Variants in NCAM1 observed in about 807,000 individuals in gnomAD.
The protein encoded by NCAM1 is neural cell adhesion molecule 1, also known as antigen recognized by monoclonal antibody 5.1H11.
In NCAM1, 14 loss-of-function variants were observed where a neutral mutation model predicts 109.8. The observed-to-expected ratio is 0.13, with a 90% CI of 0.08 to 0.20. The LOEUF (loss-of-function observed/expected upper bound fraction) is 0.20, where lower values mean the gene tolerates loss of function less well. Among genes scored for constraint, NCAM1 ranks in the 10% least tolerant of loss-of-function variants. The pLI, the probability that NCAM1 is intolerant of heterozygous loss-of-function variation, is 1.00. For missense variants in NCAM1, 774 were observed against 1,109.9 expected (o/e 0.70, Z 4.30); for synonymous variants, 418 against 442.9 (o/e 0.94, Z 0.70).
At chr11:113,019,479 A>G (rs1952319909) in intron 1 of NCAM1, among the ~76,000 whole-genome samples, 1 of 152,126 alleles carries the variant, frequency 6.6e-6, no homozygotes, top group Admixed American at 6.5e-5. Flanking sequence ...TTTGTTTCCT[A>G]CAGATACTGT....
chr11:112,966,828 G>A (rs151305461), intron 1 of NCAM1, among the ~76,000 whole-genome samples: 1 of 152,322 alleles, frequency 6.6e-6, no homozygotes, highest in Non-Finnish European at 1.5e-5. Flanking sequence ...TCTACATGCA[G>A]CCACTGAGTT....
chr11:113,128,214 C>T (rs1381013766), intron 1 of NCAM1, among the ~76,000 whole-genome samples: 1 of 152,176 alleles, frequency 6.6e-6, no homozygotes, highest in Non-Finnish European at 1.5e-5. Flanking sequence ...ACTGCTCGGG[C>T]CTTGCGTGCA....
chr11:112,968,147 G>C (rs1370098335), intron 1 of NCAM1, among the ~76,000 whole-genome samples: 1 of 152,210 alleles, frequency 6.6e-6, no homozygotes, highest in Non-Finnish European at 1.5e-5. Context: ...GAGGTTGTAT[G>C]TGTAGTGCTT....
chr11:112,979,066 T>G (rs1951080887), intron 1 of NCAM1, among the ~76,000 whole-genome samples: 1 of 151,978 alleles, frequency 6.6e-6, no homozygotes, highest in East Asian at 1.9e-4. Flanking sequence ...AATTGCTTTC[T>G]GTAATATTCA....
chr11:113,245,451 C>T (rs1271412649), intron 14 of NCAM1, among the ~76,000 whole-genome samples: 1 of 152,194 alleles, frequency 6.6e-6, no homozygotes, highest in African/African-American at 2.4e-5. Context: ...AAACAAAAAA[C>T]TTTAACCACA....
At chr11:113,153,430 A>AG (rs1219027230) in intron 1 of NCAM1, among the ~76,000 whole-genome samples, 6 of 148,296 alleles carry the variant, frequency 4.0e-5, no homozygotes, top group Non-Finnish European at 7.4e-5. Flanking sequence ...GGCAGTGGGG[A>AG]GGGGGGGCAC....
intron 1 of NCAM1, among the ~76,000 whole-genome samples, chr11:113,161,121 G>A (rs567472476): frequency 2.6e-4 from 40 of 152,192 alleles, no homozygotes; most frequent in African/African-American, 9.1e-4. Flanking sequence ...CAGACCATCC[G>A]TTTTAGAAAA....
chr11:113,185,079 T>TATATATATAGAGAGAGAG, intron 1 of NCAM1, among the ~76,000 whole-genome samples: 14 of 125,734 alleles, frequency 1.1e-4, no homozygotes, highest in East Asian at 8.6e-4. Flanking sequence ...TATATATATA[T>TATATATATAGAGAGAGAG]AGAGAGAGAG....
rs564360308 is a variant in NCAM1, at chr11:113,274,280, T to C, written c.2457-987T>C. ...CCGGCCCCCAGCCCACTCTTGCTTC[T>C]CCTGCTCTTAGAGTGGCTGGGAAGA... On this transcript the variant is annotated intron_variant, in intron 19 of 19. Transcript: ENST00000316851. The surrounding 1 kb of genome is among the most constrained non-coding windows in gnomAD (Gnocchi z 4.1). Among the ~76,000 whole-genome samples the C allele has an allele frequency of 6.6e-6, 1 of 152,282 alleles. No individual in the cohort carries two copies. The highest frequency in any genetic ancestry group is 1.9e-4 in the East Asian group (1 of 5,166).
intron 14 of NCAM1, among the ~76,000 whole-genome samples, chr11:113,237,486 G>A (rs1194549365): frequency 2.0e-5 from 3 of 152,338 alleles, no homozygotes; most frequent in East Asian, 1.9e-4. Context: ...ACCAGCTCTC[G>A]AAGGCATCAG....
rs528062852 is a variant in NCAM1 at position 112,963,752 on chromosome 11, G to T, written c.52+2088G>T. On this transcript the variant is annotated intron_variant, in intron 1 of 19. Coordinates refer to ENST00000316851, the MANE Select transcript of NCAM1 (RefSeq NM_181351.5). This position sits in a 1 kb window ranked among gnomAD's most constrained non-coding sequence, Gnocchi z 4.6. ...TGGGCCTTTTGGGGGATCGCCTGGCGGTCCTTTCCATCATCGTGATGGGTA... is the reference window on the plus strand; with the variant it reads ...TGGGCCTTTTGGGGGATCGCCTGGCTGTCCTTTCCATCATCGTGATGGGTA... Among the ~76,000 whole-genome samples, 1 of 152,324 alleles carries T rather than the reference G, an allele frequency of 6.6e-6. No individual in the cohort carries two copies. The highest frequency in any genetic ancestry group is 1.9e-4 in the East Asian group (1 of 5,176).
chr11:113,228,915 C>T (rs1378926109), intron 9 of NCAM1, among the ~76,000 whole-genome samples: 10 of 152,140 alleles, frequency 6.6e-5, no homozygotes, highest in Non-Finnish European at 1.5e-4. Flanking sequence ...TTCCTTACAC[C>T]TTATACAAAA....
At chr11:113,252,799 CTTTT>C (rs33948720) in intron 15 of NCAM1, among the ~76,000 whole-genome samples, 513 of 39,604 alleles carry the variant, frequency 0.013, no homozygotes, top group Non-Finnish European at 0.017. Context: ...CTATGCCCAG[CTTTT>C]TTTTTTTTTT....
intron 1 of NCAM1, among the ~76,000 whole-genome samples, chr11:113,022,344 C>G (rs1435595413): frequency 2.0e-5 from 3 of 152,194 alleles, no homozygotes; most frequent in Admixed American, 1.3e-4. Flanking sequence ...CTGATGAAGT[C>G]TCTACACTTT....
At chr11:113,063,961 T>C (rs782511753) in intron 1 of NCAM1, among the ~76,000 whole-genome samples, 1 of 152,244 alleles carries the variant, frequency 6.6e-6, no homozygotes, top group Non-Finnish European at 1.5e-5. Context: ...AAAGAGATAA[T>C]GCAGTTTCTT....
intron 1 of NCAM1, among the ~76,000 whole-genome samples, chr11:113,066,578 C>T (rs1349839095): frequency 2.0e-5 from 3 of 152,120 alleles, no homozygotes; most frequent in East Asian, 1.9e-4. Context: ...ATCGCATACT[C>T]CTTTAATCAT....
chr11:113,041,165 C>G (rs1953059840), intron 1 of NCAM1: 1 of 152,144 alleles, frequency 6.6e-6, no homozygotes, highest in South Asian at 2.1e-4. Context: ...ATGGTTTACA[C>G]TCAATACACA....
At chr11:113,014,059 G>A (rs1952145880) in intron 1 of NCAM1, among the ~76,000 whole-genome samples, 1 of 151,912 alleles carries the variant, frequency 6.6e-6, no homozygotes, top group African/African-American at 2.4e-5. Flanking sequence ...AAGAATATTG[G>A]GCTTTAGTGG....
chr11:113,127,807 A>G (rs141215453), intron 1 of NCAM1, among the ~76,000 whole-genome samples: 85 of 152,226 alleles, frequency 5.6e-4, no homozygotes, highest in African/African-American at 2.0e-3. Context: ...TTCTCAATTG[A>G]AAGATGGGCT....
Sources: allele counts gnomAD v4.1 joint callset (sites outside exome capture counted in the v4.1 genomes callset), GRCh38; gene constraint gnomAD v4.1.1; non-coding constraint Gnocchi (gnomAD v3.1); transcripts MANE v1.5; gene names NCBI Gene and HGNC (gene_info 2026-07-23, HGNC 2026-07-21).